The following SHANK1 variants were observed in gnomAD, a reference collection of about 807,000 sequenced individuals.
SHANK1 encodes the protein SH3 and multiple ankyrin repeat domains 1.
A neutral mutation model predicts 165.6 loss-of-function variants in SHANK1; 35 were observed. The observed-to-expected ratio is 0.21, with a 90% CI of 0.16 to 0.28. SHANK1 has a LOEUF of 0.28. Ranked by LOEUF, SHANK1 falls within the 10% of genes least tolerant of loss-of-function variation. The probability of loss-of-function intolerance (pLI) is 1.00; values close to 1 mark genes in which losing one functional copy is unlikely to be tolerated. For missense variants in SHANK1, 2,681 were observed against 3,036.4 expected, an observed-to-expected ratio of 0.88 and a Z score of 2.75; for synonymous variants, 1,428 against 1,384.8, an observed-to-expected ratio of 1.03 and a Z score of -0.69.
rs2089099567 is a variant in SHANK1, at chr19:50,718,866, G to C, written c.-44+540C>G. Among the ~76,000 whole-genome samples the C allele has an allele frequency of 6.6e-6, 1 of 150,624 alleles. No homozygotes were observed. The highest frequency in any genetic ancestry group is 1.5e-5 in the Non-Finnish European group (1 of 67,560). Reference sequence around the variant, plus strand: ...GGGCGGGAGCCGAGGGGGCGCGCCGGCCGGCGGTGTAGGGACTGGAGACCT... The same window carrying C: ...GGGCGGGAGCCGAGGGGGCGCGCCGCCCGGCGGTGTAGGGACTGGAGACCT... On this transcript the variant is annotated intron_variant, in intron 1 of 23. Coordinates refer to ENST00000293441, the MANE Select transcript of SHANK1 (RefSeq NM_016148.5). The surrounding 1 kb of genome is among the most constrained non-coding windows in gnomAD (Gnocchi z 5.1).
In SHANK1 at chr19:50,689,279, G is replaced by A. The variant is rs771985290; in HGVS notation, c.1965C>T (p.Ser655=). Residue 655 remains serine (S), a splice_region_variant and synonymous_variant, in exon 16 of 24, where the codon AGC becomes AGT. Transcript: ENST00000293441. ...PSLMDGIGPG[S]DYIIKEKTVL... ...CTGTCTTCTCCTTAATGATGTAATC[G>A]CTGGCAGGGAGGCAGGAGAAATGGG... The A allele has an allele frequency of 1.6e-5, 25 of 1,609,114 alleles. No homozygotes were observed. Among genetic ancestry groups the A allele is most frequent in the South Asian group, 3.3e-5 (3 of 90,608 alleles).
At chr19:50,671,070 G>A (rs1200971991) in intron 22 of SHANK1, among the ~76,000 whole-genome samples, 2 of 151,408 alleles carry the variant, frequency 1.3e-5, no homozygotes, top group African/African-American at 4.9e-5. Context: ...GGGATTACAC[G>A]TGTGAGCCAC....
At chr19:50,683,042 C>T (rs554191110) in intron 21 of SHANK1, among the ~76,000 whole-genome samples, 61 of 152,214 alleles carry the variant, frequency 4.0e-4, no homozygotes, top group African/African-American at 1.3e-3. Context: ...ATGTTGCCCA[C>T]TCTGGTCTCG....
rs1254670364 is a variant in SHANK1, at chr19:50,716,517, G to A, written c.256-39C>T. On this transcript the variant is annotated intron_variant, in intron 2 of 23. Transcript: ENST00000293441. The surrounding 1 kb of genome is among the most constrained non-coding windows in gnomAD (Gnocchi z 8.4). ...AGATAGGGGCTAGGGTGGGCCAGGG[G>A]CCAGAGGAGAGCCTGAGGTGGGTTG... is the stretch of plus-strand genomic sequence containing the variant. The A allele has an allele frequency of 1.9e-6, 3 of 1,607,692 alleles. No individual in the cohort carries two copies. The highest frequency in any genetic ancestry group is 1.3e-5 in the African/African-American group (1 of 74,908).
At chr19:50,692,737 G>A (rs1457115725) in intron 15 of SHANK1, among the ~76,000 whole-genome samples, 1 of 151,216 alleles carries the variant, frequency 6.6e-6, no homozygotes, top group Non-Finnish European at 1.5e-5. Flanking sequence ...CAACTCCTGT[G>A]TACCCCTCCT....
At chr19:50,710,157 T>G (rs987429980) in intron 8 of SHANK1, among the ~76,000 whole-genome samples, 8 of 152,100 alleles carry the variant, frequency 5.3e-5, no homozygotes, top group African/African-American at 1.9e-4. Flanking sequence ...GTCAGAGGAT[T>G]GGTTGTGAGG....
Position 50,662,255 on chromosome 19 carries a change from C to T in SHANK1, c.6196G>A (p.Gly2066Arg), listed in dbSNP as rs369551573. 49 of 1,610,716 alleles carry T rather than the reference C, an allele frequency of 3.0e-5. No individual in the cohort carries two copies. The highest frequency in any genetic ancestry group is 2.2e-4 in the East Asian group (10 of 44,804). ...PPHPGISGGL[G>R]GALSGASRSL... is the part of the protein sequence containing the mutation. ...CGCGAGGCCCCTGACAAGGCTCCCCCGAGCCCCCCGGATATCCCCGGGTGT... is the reference window on the plus strand; with the variant it reads ...CGCGAGGCCCCTGACAAGGCTCCCCTGAGCCCCCCGGATATCCCCGGGTGT... Residue 2066 changes from glycine to arginine, a missense_variant, in exon 24 of 24, where the codon GGG becomes AGG. Transcript: ENST00000293441. This position sits in a 1 kb window ranked among gnomAD's most constrained non-coding sequence, Gnocchi z 7.7.
Position 50,717,579 on chromosome 19 carries a change from A to G in SHANK1, c.-43-617T>C, listed in dbSNP as rs1461064659. 1.3e-5 allele frequency among the ~76,000 whole-genome samples: 2 copies of G among 152,124 alleles called. No individual in the cohort carries two copies. Among genetic ancestry groups the G allele is most frequent in the African/African-American group, 2.4e-5 (1 of 41,440 alleles). On this transcript the variant is annotated intron_variant, in intron 1 of 23. Coordinates refer to ENST00000293441, the MANE Select transcript of SHANK1 (RefSeq NM_016148.5). This position sits in a 1 kb window ranked among gnomAD's most constrained non-coding sequence, Gnocchi z 5.5. The stretch of plus-strand genomic sequence containing the variant: ...CTGCCGTCCCAGGGGAGCAAGGGGC[A>G]CTGAGATGGGGGTGTCATGGGCAGA...
intron 8 of SHANK1, 181 bp downstream of exon 8, chr19:50,711,182 TTGGATGGA>T (rs36023521): frequency 1.2e-4 from 68 of 558,306 alleles, no homozygotes; most frequent in South Asian, 4.1e-4. Context: ...TAAATATCTG[TTGGATGGA>T]TGGATGGATG....
chr19:50,710,009 G>A (rs1259658892), intron 8 of SHANK1, among the ~76,000 whole-genome samples: 2 of 152,154 alleles, frequency 1.3e-5, no homozygotes, highest in Non-Finnish European at 1.5e-5. Flanking sequence ...GCTCACCCTC[G>A]TCAATAAGAG....
intron 8 of SHANK1, among the ~76,000 whole-genome samples, chr19:50,707,425 C>T (rs558482828): frequency 1.3e-5 from 2 of 152,312 alleles, no homozygotes; most frequent in South Asian, 2.1e-4. Flanking sequence ...GATCTTACCC[C>T]TTCCACATGA....
chr19:50,703,819 C>T lies in SHANK1; in HGVS notation c.1234G>A (p.Glu412Lys). ...CGCCGGGCCGCGTACTTGGGGGACTCCTGGAAGGGCACTGAGAGGGCACAG... is the reference window on the plus strand; with the variant it reads ...CGCCGGGCCGCGTACTTGGGGGACTTCTGGAAGGGCACTGAGAGGGCACAG... ...HREQDVVPFQ[E>K]SPKYAARRRG... The change falls in exon 11 of 24, where the codon GAG (glutamate) becomes AAG (lysine). Residue 412 changes from glutamate (E) to lysine (K), a missense_variant. Glu to Lys is a moderately conservative substitution (Grantham distance 56). This residue lies in a region of SHANK1 where 49 missense variants were observed against 55.6 expected (regional missense o/e 0.88). Coordinates refer to ENST00000293441, the MANE Select transcript of SHANK1 (RefSeq NM_016148.5). The T allele has an allele frequency of 7.0e-7, 1 of 1,429,026 alleles. No homozygotes were observed. The highest frequency in any genetic ancestry group is 9.1e-7 in the Non-Finnish European group (1 of 1,095,540). The allele number at this position is 1,429,026 out of a possible 1,614,324, so 88.5% of individuals were successfully genotyped here. A position where few individuals can be genotyped will look rare whatever the true frequency, so the allele number is the denominator to read the frequency against.
chr19:50,709,111 C>T (rs1043097363), intron 8 of SHANK1, among the ~76,000 whole-genome samples: 1 of 152,186 alleles, frequency 6.6e-6, no homozygotes, highest in Non-Finnish European at 1.5e-5. Context: ...ACCTATTAAC[C>T]CACTTGATCC....
Position 50,717,948 on chromosome 19 carries a change from G to A in SHANK1, c.-43-986C>T, listed in dbSNP as rs150182813. Among the ~76,000 whole-genome samples the A allele has an allele frequency of 2.6e-5, 4 of 151,986 alleles. No homozygotes were observed. In the East Asian group the frequency reaches 5.8e-4, roughly 22 times the overall value. On this transcript the variant is annotated intron_variant, in intron 1 of 23. Transcript: ENST00000293441. The surrounding 1 kb of genome is among the most constrained non-coding windows in gnomAD (Gnocchi z 5.5). ...CCCTTGAGGTGGCCTTATGAGGGTG[G>A]AGCCCCTTCCAAATGGGGTCCGCCT...
intron 8 of SHANK1, among the ~76,000 whole-genome samples, chr19:50,705,066 TGTG>T (rs1442702633): frequency 1.3e-5 from 2 of 149,904 alleles, no homozygotes; most frequent in Admixed American, 6.7e-5. Context: ...AAATGTCAGG[TGTG>T]GTGACACACA....
chr19:50,715,043 C>T (rs1044711799), intron 4 of SHANK1, among the ~76,000 whole-genome samples: 20 of 151,720 alleles, frequency 1.3e-4, no homozygotes, highest in Non-Finnish European at 2.6e-4. Flanking sequence ...AGAGGGTAGA[C>T]AAGGAGGGAC....
chr19:50,673,125 G>A (rs936763676), intron 21 of SHANK1, among the ~76,000 whole-genome samples: 1 of 152,088 alleles, frequency 6.6e-6, no homozygotes, highest in Non-Finnish European at 1.5e-5. Context: ...ACGGAGGCCC[G>A]AGGCAGCACT....
At chr19:50,691,830 C>T (rs909664796) in intron 15 of SHANK1, among the ~76,000 whole-genome samples, 3 of 151,938 alleles carry the variant, frequency 2.0e-5, no homozygotes, top group African/African-American at 7.3e-5. Context: ...GTGCTTGCCA[C>T]CATGGCCAAC....
chr19:50,666,421 G>C lies in SHANK1; in HGVS notation c.5539C>G (p.Pro1847Ala). The C allele has an allele frequency of 6.2e-7, 1 of 1,611,320 alleles. No individual in the cohort carries two copies. The highest frequency in any genetic ancestry group is 8.5e-7 in the Non-Finnish European group (1 of 1,179,268). ...AAGGGCCCGGGCAGAGGTGGTGGCG[G>C]TGGGCCCGGGCCCTCCTCCCAGGGC... ...LLPWEEGPGP[P>A]PPPLPGPLAQ... is the part of the protein sequence containing the mutation. The change falls in exon 23 of 24, where the codon CCG (proline) becomes GCG (alanine). Residue 1847 changes from proline to alanine, a missense_variant. By Grantham distance (27) the Pro-to-Ala change is conservative. This residue lies in a region of SHANK1 where 1,713 missense variants were observed against 1,630.2 expected (regional missense o/e 1.05). Transcript: ENST00000293441.
Sources: allele counts gnomAD v4.1 joint callset (sites outside exome capture counted in the v4.1 genomes callset), GRCh38; gene constraint gnomAD v4.1.1; regional missense constraint gnomAD v4.1.1; non-coding constraint Gnocchi (gnomAD v3.1); transcripts MANE v1.5; gene names NCBI Gene and HGNC (gene_info 2026-07-23, HGNC 2026-07-21).